Variants in KCNQ5 observed in about 807,000 individuals in gnomAD.
KCNQ5 encodes potassium voltage-gated channel subfamily KQT member 5.
KCNQ5 carries 30 observed loss-of-function variants against 98.2 expected under a neutral mutation model. The observed-to-expected ratio is 0.31, with a 90% CI of 0.23 to 0.41. The LOEUF is 0.41. KCNQ5 is among the 10% of genes least tolerant of loss of function. The pLI is 1.00. For synonymous variants in KCNQ5, 458 were observed against 449.4 expected (o/e 1.02, Z -0.24); for missense variants, 835 against 1,182.5 (o/e 0.71, Z 4.31).
chr6:73,095,242 T>C (rs1326666371), intron 5 of KCNQ5, among the ~76,000 whole-genome samples: 2 of 152,212 alleles, frequency 1.3e-5, no homozygotes, highest in Non-Finnish European at 2.9e-5. Context: ...ATTTTGCATT[T>C]CTATAAGGGT....
At chr6:73,016,106 T>C (rs928503753) in intron 2 of KCNQ5, among the ~76,000 whole-genome samples, 6 of 152,006 alleles carry the variant, frequency 3.9e-5, no homozygotes, top group African/African-American at 1.4e-4. Flanking sequence ...AAAATCAATA[T>C]ATTAGATATT....
intron 1 of KCNQ5, among the ~76,000 whole-genome samples, chr6:72,639,468 C>A (rs558455377): frequency 1.8e-4 from 28 of 152,232 alleles, no homozygotes; most frequent in African/African-American, 6.0e-4. Context: ...GCCAGAACAA[C>A]CCAGCAACTA....
intron 1 of KCNQ5, among the ~76,000 whole-genome samples, chr6:72,776,197 A>G (rs1406568132): frequency 3.8e-4 from 58 of 152,318 alleles, no homozygotes; most frequent in Admixed American, 3.7e-3. Flanking sequence ...GCAACTGGGA[A>G]GCGTGCTCTC....
intron 13 of KCNQ5, 28 bp from the exon 14 acceptor site, chr6:73,194,424 C>A: frequency 6.3e-7 from 1 of 1,576,616 alleles, no homozygotes; most frequent in South Asian, 1.2e-5. Context: ...AGATTATACT[C>A]ATGTGTAACC....
intron 1 of KCNQ5, among the ~76,000 whole-genome samples, chr6:72,895,053 C>T (rs1488843571): frequency 4.3e-5 from 6 of 140,132 alleles, no homozygotes; most frequent in African/African-American, 8.1e-5. Context: ...CCGAGATGGG[C>T]GGATCACGAG....
intron 2 of KCNQ5, among the ~76,000 whole-genome samples, chr6:73,025,271 AG>A (rs1034411339): frequency 6.2e-4 from 95 of 152,360 alleles, no homozygotes; most frequent in Middle Eastern, 3.4e-3. Flanking sequence ...TAGATTTTCC[AG>A]CAAGAAGAAA....
At chr6:73,038,445 G>T (rs1257216085) in intron 2 of KCNQ5, among the ~76,000 whole-genome samples, 1 of 151,846 alleles carries the variant, frequency 6.6e-6, no homozygotes, top group Non-Finnish European at 1.5e-5. Flanking sequence ...CATCTTGGTT[G>T]TTCTTAATGT....
intron 1 of KCNQ5, among the ~76,000 whole-genome samples, chr6:72,934,704 G>T (rs1294443980): frequency 6.6e-6 from 1 of 152,162 alleles, no homozygotes; most frequent in Non-Finnish European, 1.5e-5. Flanking sequence ...AGGAATCCTA[G>T]TACTCCATCT....
intron 1 of KCNQ5, among the ~76,000 whole-genome samples, chr6:72,917,205 G>A (rs1321880583): frequency 6.6e-6 from 1 of 152,128 alleles, no homozygotes. Flanking sequence ...ATGGTGTGTG[G>A]TAGAAATAAA....
intron 12 of KCNQ5, 110 bp from the exon 13 acceptor site, chr6:73,192,455 C>A (rs1765624659): frequency 1.1e-6 from 1 of 913,144 alleles, no homozygotes; most frequent in African/African-American, 1.7e-5. Flanking sequence ...TTTCATCTTA[C>A]ATAAATTGAA....
chr6:72,866,336 C>G (rs1358038654), intron 1 of KCNQ5, among the ~76,000 whole-genome samples: 1 of 148,530 alleles, frequency 6.7e-6, no homozygotes, highest in East Asian at 2.0e-4. Flanking sequence ...CCCACTGCAG[C>G]CTCAACCTCC....
chr6:73,198,077 G>A lies in KCNQ5; in HGVS notation c.*2663G>A, dbSNP rs1284839274. 2.0e-5 allele frequency: 3 copies of A among 152,204 alleles called. No individual in the cohort carries two copies. 9.4% of individuals were successfully genotyped at this position (152,204 alleles called of 1,614,324 possible). A position where few individuals can be genotyped will look rare whatever the true frequency, so the allele number is the denominator to read the frequency against. On this transcript the variant is annotated 3_prime_UTR_variant, in exon 14 of 14. Transcript: ENST00000370398. The stretch of plus-strand genomic sequence containing the variant: ...CTGTCGTGTTACTCTCTGTGGAAAT[G>A]AGAGGGGTCTCCCATTTACACTAAG...
At chr6:73,075,937 T>C (rs1773521242) in intron 3 of KCNQ5, among the ~76,000 whole-genome samples, 1 of 152,042 alleles carries the variant, frequency 6.6e-6, no homozygotes, top group African/African-American at 2.4e-5. Flanking sequence ...CCTAGCTCCT[T>C]GGGAGGCTGA....
intron 2 of KCNQ5, among the ~76,000 whole-genome samples, chr6:73,026,262 A>C (rs1187405702): frequency 6.6e-6 from 1 of 152,198 alleles, no homozygotes; most frequent in Non-Finnish European, 1.5e-5. Context: ...ACAGTGACCT[A>C]AAAACTATGT....
chr6:73,141,853 AT>A (rs1455773189), intron 10 of KCNQ5, among the ~76,000 whole-genome samples: 4 of 152,252 alleles, frequency 2.6e-5, no homozygotes, highest in Admixed American at 2.6e-4. Context: ...TACATAGCAA[AT>A]TACCCTCAAT....
intron 1 of KCNQ5, among the ~76,000 whole-genome samples, chr6:72,744,586 G>A (rs1020149589): frequency 8.5e-5 from 13 of 152,064 alleles, no homozygotes; most frequent in African/African-American, 2.9e-4. Context: ...CAAGGTGGGC[G>A]GATCACCTGA....
rs1217710896 is a variant in KCNQ5, at chr6:72,655,076, CTTTCTTTCTTTCTTTCTTTCTGTT to C, written c.398+32503_398+32526del. Among the ~76,000 whole-genome samples, 46 of 146,954 alleles carry C rather than the reference CTTTCTTTCTTTCTTTCTTTCTGTT, an allele frequency of 3.1e-4. 1 individual carries two copies. The highest frequency in any genetic ancestry group is 5.7e-4 in the Non-Finnish European group (38 of 66,140). On this transcript the variant is annotated intron_variant, in intron 1 of 13. Transcript: ENST00000370398. ...TCTTTCTTTCTTTCTTTCTTTCTTT[CTTTCTTTCTTTCTTTCTTTCTGTT>C]TTTCTTTCTTTCTCTCAGAAAAGAA... is the stretch of plus-strand genomic sequence containing the variant.
intron 1 of KCNQ5, among the ~76,000 whole-genome samples, chr6:72,702,278 A>T (rs542422959): frequency 5.3e-5 from 8 of 152,346 alleles, no homozygotes; most frequent in Admixed American, 6.5e-5. Context: ...AGCAAAGATA[A>T]AATACTAACA....
intron 1 of KCNQ5, among the ~76,000 whole-genome samples, chr6:72,785,454 G>T (rs895382323): frequency 6.6e-6 from 1 of 152,024 alleles, no homozygotes; most frequent in East Asian, 1.9e-4. Flanking sequence ...TTTGAGACCA[G>T]CCTGTCCAAC....
Sources: allele counts gnomAD v4.1 joint callset (sites outside exome capture counted in the v4.1 genomes callset), GRCh38; gene constraint gnomAD v4.1.1; transcripts MANE v1.5; gene names NCBI Gene and HGNC (gene_info 2026-07-23, HGNC 2026-07-21).